The following REEP3 variants were observed in gnomAD, a reference collection of about 807,000 sequenced individuals.
REEP3 encodes receptor expression-enhancing protein 3.
A neutral mutation model predicts 41.3 loss-of-function variants in REEP3; 20 were observed. The ratio of observed to expected loss-of-function variants is 0.48; its 90% CI spans 0.34 to 0.70. The LOEUF (loss-of-function observed/expected upper bound fraction) is 0.70. Ranked by LOEUF, REEP3 falls within the 30% of genes least tolerant of loss-of-function variation. REEP3 has a pLI of 0.01. For missense variants in REEP3, 271 were observed against 308.8 expected (o/e 0.88, Z 0.92); for synonymous variants, 104 against 101.8 (o/e 1.02, Z -0.13).
At chr10:63,604,166 CA>C (rs1390532682) in intron 5 of REEP3, among the ~76,000 whole-genome samples, 1 of 152,162 alleles carries the variant, frequency 6.6e-6, no homozygotes, top group Middle Eastern at 3.2e-3. Flanking sequence ...GGAATCTAAT[CA>C]GAACATTTAT....
chr10:63,549,645 A>G (rs946395606), intron 1 of REEP3, among the ~76,000 whole-genome samples: 1 of 152,254 alleles, frequency 6.6e-6, no homozygotes, highest in Non-Finnish European at 1.5e-5. Flanking sequence ...CGTACATGAT[A>G]CTACTGTAGT....
chr10:63,544,491 G>A (rs1325594193), intron 1 of REEP3, among the ~76,000 whole-genome samples: 2 of 152,184 alleles, frequency 1.3e-5, no homozygotes, highest in African/African-American at 2.4e-5. Flanking sequence ...TGACGATTGG[G>A]TGTGAGGAGG....
At chr10:63,619,581 C>G (rs1250587994) in intron 6 of REEP3, 74 bp from the exon 7 acceptor site, 1 of 1,356,340 alleles carries the variant, frequency 7.4e-7, no homozygotes, top group African/African-American at 1.4e-5. Flanking sequence ...AAGAACTGTA[C>G]ACAGATGGGT....
chr10:63,567,691 T>C (rs1317285693), intron 2 of REEP3, among the ~76,000 whole-genome samples: 4 of 152,190 alleles, frequency 2.6e-5, no homozygotes, highest in African/African-American at 7.2e-5. Flanking sequence ...TTTGATTCTT[T>C]GGGATATATA....
intron 5 of REEP3, among the ~76,000 whole-genome samples, chr10:63,600,236 T>C (rs1956160204): frequency 6.6e-6 from 1 of 152,170 alleles, no homozygotes; most frequent in Admixed American, 6.5e-5. Context: ...AGTGAAGGGA[T>C]ATGAAATGAG....
Position 63,521,534 on chromosome 10 carries a change from G to C in REEP3, c.-12G>C. ...CACCCGCCCCGGACGTGGGGCCCAA[G>C]CCCCCGTGAAGATGGTGTCCTGGAT... is the stretch of plus-strand genomic sequence containing the variant. On this transcript the variant is annotated 5_prime_UTR_variant, in exon 1 of 8. Coordinates refer to ENST00000373758, the MANE Select transcript of REEP3 (RefSeq NM_001001330.3). The C allele has an allele frequency of 7.1e-7, 1 of 1,417,130 alleles. No homozygotes were observed. Among genetic ancestry groups the C allele is most frequent in the South Asian group, 1.5e-5 (1 of 67,962 alleles). The allele number at this position is 1,417,130 out of a possible 1,614,324, so 87.8% of individuals were successfully genotyped here.
intron 2 of REEP3, among the ~76,000 whole-genome samples, chr10:63,569,244 A>G (rs1010985759): frequency 8.5e-5 from 13 of 152,180 alleles, no homozygotes; most frequent in Non-Finnish European, 1.5e-4. Context: ...AATGGGAACC[A>G]TTTCCCTATT....
chr10:63,557,774 G>A (rs1955703041), intron 1 of REEP3, among the ~76,000 whole-genome samples: 1 of 152,066 alleles, frequency 6.6e-6, no homozygotes, highest in African/African-American at 2.4e-5. Flanking sequence ...ATTGAGACTA[G>A]AAAATAGCAA....
chr10:63,545,631 C>G (rs1322098756), intron 1 of REEP3, among the ~76,000 whole-genome samples: 2 of 151,204 alleles, frequency 1.3e-5, no homozygotes, highest in Non-Finnish European at 2.9e-5. Context: ...CCTCGGCCTC[C>G]CAAAGTGCTA....
rs71025187 is a variant in REEP3, at chr10:63,533,710, C to CTTTTT, written c.32+12144_32+12148dup. On this transcript the variant is annotated intron_variant, in intron 1 of 7. Transcript: ENST00000373758. ...GAAAGAGCCTTGGAAGTATGTAAAT[C>CTTTTT]TTTTTTTTTTTTTTTGAGACGGAGT... is the stretch of plus-strand genomic sequence containing the variant. Among the ~76,000 whole-genome samples, 396 of 101,124 alleles carry CTTTTT rather than the reference C, an allele frequency of 3.9e-3. 50 individuals are homozygous for CTTTTT. The highest frequency in any genetic ancestry group is 0.012 in the African/African-American group (364 of 30,276). 66.3% of individuals were successfully genotyped at this position (101,124 alleles called of 152,430 possible).
intron 6 of REEP3, among the ~76,000 whole-genome samples, chr10:63,615,964 C>T (rs1332009963): frequency 6.6e-6 from 1 of 152,196 alleles, no homozygotes; most frequent in Non-Finnish European, 1.5e-5. Context: ...CACTTACGCT[C>T]CCTTCCCTCA....
chr10:63,569,327 G>T (rs1303624776), intron 2 of REEP3, among the ~76,000 whole-genome samples: 1 of 151,934 alleles, frequency 6.6e-6, no homozygotes, highest in African/African-American at 2.4e-5. Flanking sequence ...TGAAGTACAG[G>T]GTATTATGTC....
intron 5 of REEP3, among the ~76,000 whole-genome samples, chr10:63,605,465 A>G (rs1956216247): frequency 6.6e-6 from 1 of 152,238 alleles, no homozygotes; most frequent in African/African-American, 2.4e-5. Context: ...ACTGAATAGT[A>G]TAATAAGAAT....
intron 2 of REEP3, among the ~76,000 whole-genome samples, chr10:63,571,132 CA>C (rs765479720): frequency 2.0e-5 from 3 of 151,940 alleles, no homozygotes; most frequent in South Asian, 4.2e-4. Context: ...GTAGTGGGAT[CA>C]GGGGGAGGCT....
At chr10:63,564,126 C>A (rs950015384) in intron 1 of REEP3, among the ~76,000 whole-genome samples, 9 of 152,050 alleles carry the variant, frequency 5.9e-5, no homozygotes, top group Non-Finnish European at 1.2e-4. Context: ...AATAAGTGTA[C>A]CATGCCAATA....
intron 2 of REEP3, among the ~76,000 whole-genome samples, chr10:63,578,408 A>G (rs367709565): frequency 5.3e-4 from 81 of 152,340 alleles, no homozygotes; most frequent in African/African-American, 1.9e-3. Flanking sequence ...GATTTACTCT[A>G]TAATATTAAG....
chr10:63,544,619 G>A (rs1024522411), intron 1 of REEP3, among the ~76,000 whole-genome samples: 4 of 152,176 alleles, frequency 2.6e-5, no homozygotes, highest in African/African-American at 9.7e-5. Flanking sequence ...TGTTGTTGGG[G>A]AAAGGGTGAA....
intron 1 of REEP3, among the ~76,000 whole-genome samples, chr10:63,529,554 C>G (rs1484965919): frequency 6.6e-6 from 1 of 152,076 alleles, no homozygotes; most frequent in African/African-American, 2.4e-5. Context: ...CCTCAAACTC[C>G]TGAGCTCAAG....
At chr10:63,524,452 T>A (rs1955339260) in intron 1 of REEP3, among the ~76,000 whole-genome samples, 1 of 152,192 alleles carries the variant, frequency 6.6e-6, no homozygotes, top group East Asian at 1.9e-4. Flanking sequence ...TTTTTTTCTT[T>A]TTTGAGACAG....
Sources: gnomAD v4.1 joint callset for allele counts (sites outside exome capture counted in the v4.1 genomes callset) on GRCh38, gnomAD v4.1.1 for gene constraint, MANE v1.5 for transcripts, NCBI Gene and HGNC (gene_info 2026-07-23, HGNC 2026-07-21) for gene names.